ARK2C: variants seen among roughly 807,000 people sequenced by gnomAD.
ARK2C encodes the protein E3 ubiquitin-protein ligase ARK2C.
the ARK2C span, among the ~76,000 whole-genome samples, chr18:46,383,553 T>TG: frequency 7.2e-6 from 1 of 138,792 alleles, no homozygotes. Context: ...TTTCTCTGTT[T>TG]TTTTTTTTTT....
chr18:46,456,963 C>A, the ARK2C span: 2 of 353,650 alleles, frequency 5.7e-6, no homozygotes, highest in Non-Finnish European at 1.1e-5. Context: ...GACAGACGGG[C>A]CCCTCAATCC....
the ARK2C span, among the ~76,000 whole-genome samples, chr18:46,378,488 A>G: frequency 1.3e-5 from 2 of 152,142 alleles, no homozygotes; most frequent in African/African-American, 2.4e-5. Flanking sequence ...GCTTTCTGTA[A>G]GTCACCACCC....
the ARK2C span, among the ~76,000 whole-genome samples, chr18:46,372,983 T>C: frequency 6.6e-6 from 1 of 152,248 alleles, no homozygotes; most frequent in Non-Finnish European, 1.5e-5. Flanking sequence ...GGGACCCTCC[T>C]GCTGGGAAAC....
the ARK2C span, chr18:46,457,124 A>G: frequency 5.2e-5 from 8 of 153,340 alleles, no homozygotes; most frequent in African/African-American, 1.7e-4. Context: ...ACATGTCGCT[A>G]TTACCGAATT....
At chr18:46,364,201 G>A in the ARK2C span, among the ~76,000 whole-genome samples, 937 of 151,986 alleles carry the variant, frequency 6.2e-3, 10 homozygotes, top group South Asian at 0.015. Flanking sequence ...GCAAGCCTCA[G>A]CCTCCCAAAG....
chr18:46,433,513 C>T, the ARK2C span: 416 of 1,588,236 alleles, frequency 2.6e-4, 2 homozygotes, highest in African/African-American at 4.5e-3. Flanking sequence ...CAGGTTGGTG[C>T]TGCCTGGGGC....
chr18:46,363,680 T>G, the ARK2C span, among the ~76,000 whole-genome samples: 1 of 152,192 alleles, frequency 6.6e-6, no homozygotes, highest in African/African-American at 2.4e-5. Context: ...ACTTATGGGC[T>G]GCTTGAGGAG....
chr18:46,422,621 C>T, the ARK2C span, among the ~76,000 whole-genome samples: 1 of 152,244 alleles, frequency 6.6e-6, no homozygotes. Context: ...AGGTCCAGCT[C>T]TCTGTGCCTT....
At chr18:46,429,659 T>C in the ARK2C span, among the ~76,000 whole-genome samples, 105 of 152,356 alleles carry the variant, frequency 6.9e-4, 1 homozygote, top group Middle Eastern at 6.8e-3. Context: ...GTCATAATAA[T>C]TGCCTCACTT....
chr18:46,379,422 A>G, the ARK2C span, among the ~76,000 whole-genome samples: 5 of 152,168 alleles, frequency 3.3e-5, no homozygotes, highest in East Asian at 5.8e-4. Context: ...AAAGGCCTCT[A>G]CTTACCCTCA....
At chr18:46,334,775 T>G in the ARK2C span, 1 of 289,832 alleles carries the variant, frequency 3.5e-6, no homozygotes, top group Non-Finnish European at 6.2e-6. The surrounding 1 kb of genome is among the most constrained non-coding windows in gnomAD (Gnocchi z 4.4). Context: ...TTGCTTTTTT[T>G]GAGGTATATG....
At chr18:46,443,569 T>A in the ARK2C span, among the ~76,000 whole-genome samples, 1 of 152,242 alleles carries the variant, frequency 6.6e-6, no homozygotes, top group African/African-American at 2.4e-5. Flanking sequence ...GTGAATCAAA[T>A]CTTGCCTGCT....
chr18:46,427,032 G>C, the ARK2C span, among the ~76,000 whole-genome samples: 1 of 152,176 alleles, frequency 6.6e-6, no homozygotes, highest in Non-Finnish European at 1.5e-5. Flanking sequence ...CTGCTGCCTG[G>C]TACTGTTACA....
chr18:46,418,136 G>A, the ARK2C span, among the ~76,000 whole-genome samples: 1 of 152,040 alleles, frequency 6.6e-6, no homozygotes, highest in African/African-American at 2.4e-5. Flanking sequence ...GTCACCTGAG[G>A]CCAGCAGGTT....
the ARK2C span, among the ~76,000 whole-genome samples, chr18:46,374,546 A>G: frequency 6.6e-6 from 1 of 152,204 alleles, no homozygotes; most frequent in African/African-American, 2.4e-5. Context: ...TATTTCATTC[A>G]GGAGAACGTC....
chr18:46,349,596 G>A, the ARK2C span, among the ~76,000 whole-genome samples: 1 of 152,200 alleles, frequency 6.6e-6, no homozygotes, highest in Admixed American at 6.5e-5. Context: ...ATTTTTGCTG[G>A]CCAGCCAGGG....
At chr18:46,452,078 A>C in the ARK2C span, among the ~76,000 whole-genome samples, 3 of 152,192 alleles carry the variant, frequency 2.0e-5, no homozygotes, top group Non-Finnish European at 4.4e-5. Flanking sequence ...CGGTGGATAC[A>C]TGACATTATG....
chr18:46,411,770 G>C, the ARK2C span, among the ~76,000 whole-genome samples: 1 of 152,192 alleles, frequency 6.6e-6, no homozygotes, highest in Non-Finnish European at 1.5e-5. Flanking sequence ...TGAACAAAAG[G>C]GGGACTCCAG....
chr18:46,432,886 AGTGAGCC>A, the ARK2C span, among the ~76,000 whole-genome samples: 1 of 152,340 alleles, frequency 6.6e-6, no homozygotes, highest in East Asian at 1.9e-4. Flanking sequence ...CGGAGCTTGC[AGTGAGCC>A]GAGATCGCGC....
Sources: allele counts gnomAD v4.1 joint callset (sites outside exome capture counted in the v4.1 genomes callset), GRCh38; gene constraint gnomAD v4.1.1; non-coding constraint Gnocchi (gnomAD v3.1); transcripts MANE v1.5; gene names NCBI Gene and HGNC (gene_info 2026-07-23, HGNC 2026-07-21).